LCT: variants seen among roughly 807,000 people sequenced by gnomAD.
The protein encoded by LCT is lactase/phlorizin hydrolase.
Under a neutral mutation model 173.0 loss-of-function variants are expected in LCT, and 90 were observed. The ratio of observed to expected loss-of-function variants is 0.52; its 90% CI spans 0.44 to 0.62. LCT has a LOEUF of 0.62. LCT is among the 20% of genes least tolerant of loss of function. The probability of loss-of-function intolerance (pLI) is 0.00; values close to 1 mark genes in which losing one functional copy is unlikely to be tolerated. For synonymous variants in LCT, 853 were observed against 957.6 expected, an observed-to-expected ratio of 0.89 and a Z score of 2.02; for missense variants, 1,864 against 2,431.4, an observed-to-expected ratio of 0.77 and a Z score of 4.91.
At chr2:135,797,533 A>C (rs2077592264) in intron 13 of LCT, among the ~76,000 whole-genome samples, 1 of 152,146 alleles carries the variant, frequency 6.6e-6, no homozygotes, top group African/African-American at 2.4e-5. Flanking sequence ...TTTGCGCCTC[A>C]CTTTACTCGT....
intron 4 of LCT, among the ~76,000 whole-genome samples, chr2:135,823,570 G>A (rs1227734919): frequency 6.6e-6 from 1 of 152,208 alleles, no homozygotes; most frequent in Non-Finnish European, 1.5e-5. Context: ...GCCAAGAGGA[G>A]CAGAGATGAG....
At chr2:135,788,750 G>A (rs2077511681) in intron 16 of LCT, among the ~76,000 whole-genome samples, 1 of 152,182 alleles carries the variant, frequency 6.6e-6, no homozygotes, top group Admixed American at 6.5e-5. Context: ...ATCTCTATCA[G>A]CAATTAGAAT....
At chr2:135,833,756 T>A (rs1444261305) in intron 1 of LCT, among the ~76,000 whole-genome samples, 1 of 152,082 alleles carries the variant, frequency 6.6e-6, no homozygotes, top group African/African-American at 2.4e-5. Context: ...ATCTTAACTA[T>A]TTTTAAGTGC....
rs2077507104 is a variant in LCT, at chr2:135,788,217, T to C, written c.*107A>G. ...TCTCTAACGGTGCAGCAGGACTTTATGGAGAAGTCCAGTATCAGCAGAGTC... is the reference window on the plus strand; with the variant it reads ...TCTCTAACGGTGCAGCAGGACTTTACGGAGAAGTCCAGTATCAGCAGAGTC... On this transcript the variant is annotated 3_prime_UTR_variant, in exon 17 of 17. Transcript: ENST00000264162. 1 of 814,304 alleles carries C rather than the reference T, an allele frequency of 1.2e-6. No individual in the cohort carries two copies. 50.4% of individuals were successfully genotyped at this position (814,304 alleles called of 1,614,324 possible).
intron 16 of LCT, among the ~76,000 whole-genome samples, chr2:135,789,299 A>G (rs2077516228): frequency 6.6e-6 from 1 of 152,246 alleles, no homozygotes; most frequent in Non-Finnish European, 1.5e-5. Flanking sequence ...ATGAGTGCAC[A>G]GCAAGTTAGT....
At chr2:135,806,592 T>C (rs1370556083) in intron 9 of LCT, among the ~76,000 whole-genome samples, 1 of 152,184 alleles carries the variant, frequency 6.6e-6, no homozygotes, top group Non-Finnish European at 1.5e-5. Context: ...TCACTGTGCC[T>C]TTCTACATTT....
chr2:135,803,954 A>T lies in LCT; in HGVS notation c.4639T>A (p.Tyr1547Asn), dbSNP rs1275395095. The change falls in exon 11 of 17, where the codon TAT (tyrosine) becomes AAT (asparagine). Residue 1547 changes from tyrosine to asparagine, a missense_variant. Transcript: ENST00000264162. ...CCTGGAGCTGCTGTTCCGTAGCCAT[A>T]GCCCTGGTAAGCAATGACAAAGGGC... ...NEPFVIAYQG[Y>N]GYGTAAPGVS... The T allele has an allele frequency of 6.2e-7, 1 of 1,614,140 alleles. No individual in the cohort carries two copies.
chr2:135,816,871 ATT>A (rs34890037), intron 6 of LCT, among the ~76,000 whole-genome samples: 122 of 146,916 alleles, frequency 8.3e-4, no homozygotes, highest in Non-Finnish European at 1.1e-3. Flanking sequence ...GTGATTAACA[ATT>A]TTTTTTTTTT....
At position 135,818,104 on chromosome 2, in the gene LCT, C is replaced by T. The variant is rs182041190; in HGVS notation, c.987-43G>A. 9.7e-4 allele frequency: 1,558 copies of T among 1,611,102 alleles called. 3 individuals carry two copies. The highest frequency in any genetic ancestry group is 1.1e-3 in the Middle Eastern group (6 of 5,368). On this transcript the variant is annotated intron_variant, in intron 5 of 16. Transcript: ENST00000264162. ...CAAAAAGGGACATAATAATGAATGA[C>T]GCTGGCAGTTACAAATGCCCCCTAC...
chr2:135,794,293 C>A, intron 14 of LCT: 1 of 221,698 alleles, frequency 4.5e-6, no homozygotes, highest in Non-Finnish European at 9.0e-6. Flanking sequence ...TTTGATAAAA[C>A]CTAAACAATT....
At chr2:135,798,276 G>A in intron 12 of LCT, 138 bp from the exon 13 acceptor site, 1 of 702,578 alleles carries the variant, frequency 1.4e-6, no homozygotes, top group East Asian at 2.7e-5. Flanking sequence ...TCTTCCCTGT[G>A]GCTCCTGCCT....
chr2:135,788,274 C>G lies in LCT; in HGVS notation c.*50G>C, dbSNP rs1042712. 0.83 allele frequency: 1,134,496 copies of G among 1,361,456 alleles called. 477,819 individuals carry two copies. Among genetic ancestry groups the G allele is most frequent in the Non-Finnish European group, 0.86 (827,361 of 957,980 alleles). The allele number at this position is 1,361,456 out of a possible 1,614,324, so 84.3% of individuals were successfully genotyped here. ...CCTAAGGTGTTTGGTGGCCGGTAAA[C>G]ATAGATGAAGAAACTAGGCCTGCTT... On this transcript the variant is annotated 3_prime_UTR_variant, in exon 17 of 17. Transcript: ENST00000264162.
chr2:135,812,712 T>C lies in LCT; in HGVS notation c.1952A>G (p.Gln651Arg), dbSNP rs2077745738. The change falls in exon 7 of 17, where the codon CAG becomes CGG. Residue 651 changes from glutamine (Q) to arginine (R), a missense_variant. Transcript: ENST00000264162. ...YPATLRTQIQQMNRQCSHPVA... is the reference protein window; with the variant it reads ...YPATLRTQIQRMNRQCSHPVA... ...AGGATGGGAGCACTGTCTGTTCATC[T>C]GTTGGATCTGGGTCCTCAGGGTGGC... 1 of 1,614,100 alleles carries C rather than the reference T, an allele frequency of 6.2e-7. No homozygotes were observed. The highest frequency in any genetic ancestry group is 1.3e-5 in the African/African-American group (1 of 74,934).
chr2:135,794,520 C>A (rs1277859985), intron 14 of LCT, 121 bp downstream of exon 14: 6 of 1,084,852 alleles, frequency 5.5e-6, no homozygotes, highest in South Asian at 1.3e-5. Flanking sequence ...ATCTTGCAAA[C>A]CCCGGCACAT....
chr2:135,811,944 G>C (rs1364662018), intron 7 of LCT, among the ~76,000 whole-genome samples: 2 of 151,850 alleles, frequency 1.3e-5, no homozygotes, highest in African/African-American at 4.8e-5. Flanking sequence ...GCCACGCATA[G>C]TGGTTTGCAC....
chr2:135,823,840 C>T (rs1025545681), intron 4 of LCT, 61 bp downstream of exon 4: 25 of 1,147,890 alleles, frequency 2.2e-5, no homozygotes, highest in Non-Finnish European at 3.2e-5. Flanking sequence ...TTCAAGACTG[C>T]TACCTAGCAC....
Position 135,794,638 on chromosome 2 carries a change from T to C in LCT, c.5111+3A>G. On this transcript the variant is annotated splice_donor_region_variant and intron_variant, in intron 14 of 16. Transcript: ENST00000264162. Reference sequence around the variant, plus strand: ...GCTCCGGGCTCCCTGTTGGTGGACTTACCTGTCTGCATCAAAAGAAGAGAT... The same window carrying C: ...GCTCCGGGCTCCCTGTTGGTGGACTCACCTGTCTGCATCAAAAGAAGAGAT... 4 of 1,614,012 alleles carry C rather than the reference T, an allele frequency of 2.5e-6. No homozygotes were observed. Among genetic ancestry groups the C allele is most frequent in the Non-Finnish European group, 3.4e-6 (4 of 1,179,982 alleles).
intron 4 of LCT, 90 bp from the exon 5 acceptor site, chr2:135,822,188 A>G: frequency 2.4e-6 from 2 of 818,432 alleles, no homozygotes; most frequent in South Asian, 1.4e-5. Flanking sequence ...CTCATACGAC[A>G]CACCCAAACT....
Position 135,788,395 on chromosome 2 carries a change from A to G in LCT, c.5713T>C (p.Tyr1905His), listed in dbSNP as rs752505208. ...VCGLAFLSYK[Y>H]CKRSKQGKTQ... ...TTCCCTTGCTTAGAGCGCTTGCAGT[A>G]CTTGTATGACAGAAATGCCAAGCCA... is the stretch of plus-strand genomic sequence containing the variant. Residue 1905 changes from tyrosine (Y) to histidine (H), a missense_variant, in exon 17 of 17, where the codon TAC becomes CAC. By Grantham distance (83) the Tyr-to-His change is moderately conservative. Coordinates refer to ENST00000264162, the MANE Select transcript of LCT (RefSeq NM_002299.4). The G allele has an allele frequency of 1.5e-5, 24 of 1,614,076 alleles. No homozygotes were observed. Among genetic ancestry groups the G allele is most frequent in the Non-Finnish European group, 2.0e-5 (24 of 1,180,036 alleles).
Sources: gnomAD v4.1 joint callset for allele counts (sites outside exome capture counted in the v4.1 genomes callset) on GRCh38, gnomAD v4.1.1 for gene constraint, MANE v1.5 for transcripts, NCBI Gene and HGNC (gene_info 2026-07-23, HGNC 2026-07-21) for gene names.